Variants in NBAS observed in about 807,000 individuals in gnomAD.
The protein encoded by NBAS is NAG/BC035112 fusion.
NBAS carries 219 observed loss-of-function variants against 302.5 expected under a neutral mutation model. The observed-to-expected ratio is 0.72, with a 90% CI of 0.65 to 0.81. The LOEUF (loss-of-function observed/expected upper bound fraction) is 0.81, where lower values mean the gene tolerates loss of function less well. NBAS is among the 30% of genes least tolerant of loss of function. The probability of loss-of-function intolerance (pLI) is 0.00; values close to 1 mark genes in which losing one functional copy is unlikely to be tolerated. For synonymous variants in NBAS, 1,118 were observed against 1,021.6 expected (o/e 1.09, Z -1.80); for missense variants, 2,932 against 2,841.6 (o/e 1.03, Z -0.72).
the NBAS span, among the ~76,000 whole-genome samples, chr2:15,141,362 G>A: frequency 1.3e-5 from 2 of 152,210 alleles, no homozygotes; most frequent in Non-Finnish European, 2.9e-5. Context: ...GGACTGCCCA[G>A]TGAGTTGGCA....
At chr2:15,348,925 A>G (rs983232103) in intron 35 of NBAS, among the ~76,000 whole-genome samples, 1 of 152,228 alleles carries the variant, frequency 6.6e-6, no homozygotes, top group Non-Finnish European at 1.5e-5. Context: ...TAGGGAATAT[A>G]GAGAACGGGG....
At chr2:15,459,103 T>C (rs1312256481) in intron 21 of NBAS, among the ~76,000 whole-genome samples, 2 of 152,206 alleles carry the variant, frequency 1.3e-5, no homozygotes, top group African/African-American at 4.8e-5. Context: ...TGCAGCTCTT[T>C]TGCAAACCAA....
At chr2:14,930,179 T>C in the NBAS span, among the ~76,000 whole-genome samples, 1 of 152,200 alleles carries the variant, frequency 6.6e-6, no homozygotes, top group Non-Finnish European at 1.5e-5. Flanking sequence ...TGGACTAATA[T>C]ATTGGACTTC....
chr2:14,913,631 A>G, the NBAS span, among the ~76,000 whole-genome samples: 1 of 152,114 alleles, frequency 6.6e-6, no homozygotes, highest in Non-Finnish European at 1.5e-5. Flanking sequence ...ATGTGTTTAG[A>G]TTTGTGTTTT....
In NBAS at chr2:15,529,878, T is replaced by C. The variant is rs76447763; in HGVS notation, c.746+4665A>G. On this transcript the variant is annotated intron_variant, in intron 9 of 51. Coordinates refer to ENST00000281513, the MANE Select transcript of NBAS (RefSeq NM_015909.4). Reference sequence around the variant, plus strand: ...TCAAAATGGCATGATTTTATAATTGTAATATGTTTATTTTATAATCGAAAG... The same window carrying C: ...TCAAAATGGCATGATTTTATAATTGCAATATGTTTATTTTATAATCGAAAG... Among the ~76,000 whole-genome samples, 725 of 152,356 alleles carry C rather than the reference T, an allele frequency of 4.8e-3. 8 individuals carry two copies. The highest frequency in any genetic ancestry group is 0.016 in the African/African-American group (673 of 41,574).
the NBAS span, among the ~76,000 whole-genome samples, chr2:14,984,628 G>C: frequency 6.6e-6 from 1 of 152,066 alleles, no homozygotes; most frequent in Admixed American, 6.5e-5. Flanking sequence ...TCTATTTCTA[G>C]CCCAGCACTA....
At chr2:15,556,283 A>G (rs550437253) in intron 3 of NBAS, among the ~76,000 whole-genome samples, 1 of 152,346 alleles carries the variant, frequency 6.6e-6, no homozygotes, top group East Asian at 1.9e-4. Context: ...AAGCAGAATT[A>G]TAACTTTTTT....
At chr2:15,385,005 A>T (rs905227445) in intron 28 of NBAS, among the ~76,000 whole-genome samples, 8 of 152,026 alleles carry the variant, frequency 5.3e-5, no homozygotes, top group Non-Finnish European at 1.2e-4. Context: ...AGTCTTTAAA[A>T]TTTTTTTCTC....
intron 45 of NBAS, among the ~76,000 whole-genome samples, chr2:15,237,997 G>A (rs1467507593): frequency 6.6e-6 from 1 of 151,942 alleles, no homozygotes; most frequent in Non-Finnish European, 1.5e-5. Flanking sequence ...GACTGGTCTC[G>A]AACTCCTGAC....
intron 11 of NBAS, among the ~76,000 whole-genome samples, chr2:15,499,733 C>T (rs908188018): frequency 6.6e-6 from 1 of 152,098 alleles, no homozygotes; most frequent in Non-Finnish European, 1.5e-5. Context: ...ACCTATATAA[C>T]AAACCTGCAC....
the NBAS span, among the ~76,000 whole-genome samples, chr2:14,854,826 T>C: frequency 6.6e-6 from 1 of 152,106 alleles, no homozygotes; most frequent in African/African-American, 2.4e-5. Context: ...CCAAGTAAAC[T>C]TGAAAGGCAG....
chr2:15,491,560 C>A (rs1243565544), intron 11 of NBAS, among the ~76,000 whole-genome samples: 3 of 152,032 alleles, frequency 2.0e-5, no homozygotes, highest in Admixed American at 1.3e-4. Context: ...CACAGTGAAA[C>A]CCCGTCTCTA....
the NBAS span, among the ~76,000 whole-genome samples, chr2:14,898,869 T>C: frequency 2.6e-5 from 4 of 152,196 alleles, no homozygotes; most frequent in Admixed American, 2.0e-4. Flanking sequence ...AACCTGGACC[T>C]TACTATTGTC....
the NBAS span, among the ~76,000 whole-genome samples, chr2:14,917,200 A>G: frequency 1.3e-5 from 2 of 152,206 alleles, no homozygotes; most frequent in East Asian, 1.9e-4. Flanking sequence ...TGAAGCTACA[A>G]TCACAGTGTT....
chr2:15,101,851 C>G, the NBAS span, among the ~76,000 whole-genome samples: 2 of 152,238 alleles, frequency 1.3e-5, no homozygotes, highest in Non-Finnish European at 2.9e-5. Context: ...AAACCTCAGT[C>G]TTCAGTGACT....
chr2:15,268,567 G>A (rs1669178437), intron 44 of NBAS, among the ~76,000 whole-genome samples: 1 of 152,212 alleles, frequency 6.6e-6, no homozygotes, highest in African/African-American at 2.4e-5. Context: ...TGGCACACAT[G>A]ATAGTTCTGC....
chr2:15,163,212 AG>A (rs1663935565), downstream of NBAS, among the ~76,000 whole-genome samples: 3 of 152,236 alleles, frequency 2.0e-5, no homozygotes, highest in African/African-American at 7.2e-5. Context: ...AATAGGGCGA[AG>A]AGAAGTGGAG....
intron 7 of NBAS, among the ~76,000 whole-genome samples, chr2:15,538,690 T>C (rs563645436): frequency 6.6e-6 from 1 of 152,304 alleles, no homozygotes; most frequent in South Asian, 2.1e-4. Flanking sequence ...GGAATTGTCA[T>C]ACAAAAGTCA....
chr2:15,235,282 G>A (rs139047850), intron 45 of NBAS, among the ~76,000 whole-genome samples: 1 of 152,200 alleles, frequency 6.6e-6, no homozygotes, highest in Non-Finnish European at 1.5e-5. Flanking sequence ...CAAGGAGATT[G>A]AGTAACATGA....
Sources: gnomAD v4.1 joint callset for allele counts (sites outside exome capture counted in the v4.1 genomes callset) on GRCh38, gnomAD v4.1.1 for gene constraint, MANE v1.5 for transcripts, NCBI Gene and HGNC (gene_info 2026-07-23, HGNC 2026-07-21) for gene names.